MYEF2: variants seen among roughly 807,000 people sequenced by gnomAD.
The protein encoded by MYEF2 is myelin gene expression factor 2.
In MYEF2, 37 loss-of-function variants were observed where a neutral mutation model predicts 75.2. That is an observed-to-expected ratio of 0.49 (90% CI 0.38 to 0.65). MYEF2 has a LOEUF of 0.65. MYEF2 is among the 30% of genes least tolerant of loss of function. The probability of loss-of-function intolerance (pLI) is 0.00; values close to 1 mark genes in which losing one functional copy is unlikely to be tolerated. For synonymous variants in MYEF2, 195 were observed against 241.6 expected (o/e 0.81, Z 1.79); for missense variants, 634 against 771.4 (o/e 0.82, Z 2.11).
At position 48,136,487 on chromosome 15, in the gene MYEF2, G is replaced by T; in HGVS notation, c.*6421C>A. Reference sequence around the variant, plus strand: ...AAAAAAAAAAAAACAACACAGAAGTGTCCAGCTTTTATCAATAAACATAAT... The same window carrying T: ...AAAAAAAAAAAAACAACACAGAAGTTTCCAGCTTTTATCAATAAACATAAT... On this transcript the variant is annotated 3_prime_UTR_variant, in exon 17 of 17. Coordinates refer to ENST00000324324, the MANE Select transcript of MYEF2 (RefSeq NM_016132.5). 4 of 439,136 alleles carry T rather than the reference G, an allele frequency of 9.1e-6. No homozygotes were observed. The highest frequency in any genetic ancestry group is 4.2e-5 in the Admixed American group (1 of 23,676). The allele number at this position is 439,136 out of a possible 1,614,324, so 27.2% of individuals were successfully genotyped here.
intron 7 of MYEF2, 51 bp from the exon 8 acceptor site, chr15:48,158,275 A>T: frequency 6.5e-7 from 1 of 1,534,854 alleles, no homozygotes; most frequent in East Asian, 2.3e-5. Context: ...AAATTATAAC[A>T]GAACACAAAC....
chr15:48,136,148 C>G lies in MYEF2; in HGVS notation c.*6760G>C, dbSNP rs2038892599. The G allele has an allele frequency of 6.6e-6, 1 of 152,108 alleles. No homozygotes were observed. Among genetic ancestry groups the G allele is most frequent in the Admixed American group, 6.6e-5 (1 of 15,256 alleles). The allele number at this position is 152,108 out of a possible 1,614,324, so 9.4% of individuals were successfully genotyped here. ...AAGCCAAATTCAGCTACATTCAAAT[C>G]ATTAAAAATGCTCTGTATGACAAAC... On this transcript the variant is annotated 3_prime_UTR_variant, in exon 17 of 17. Coordinates refer to ENST00000324324, the MANE Select transcript of MYEF2 (RefSeq NM_016132.5).
chr15:48,143,180 CATTA>C (rs1259966984), intron 16 of MYEF2, 109 bp from the exon 17 acceptor site: 9 of 590,848 alleles, frequency 1.5e-5, no homozygotes, highest in East Asian at 1.1e-4. Context: ...TGATTAAAAA[CATTA>C]ATTATTTAAA....
chr15:48,177,645 G>A (rs1441358761), intron 1 of MYEF2, among the ~76,000 whole-genome samples: 1 of 152,060 alleles, frequency 6.6e-6, no homozygotes, highest in Non-Finnish European at 1.5e-5. Context: ...TTTTAAATAT[G>A]TTCTCGGTGG....
At chr15:48,154,832 T>C (rs2039630251) in intron 9 of MYEF2, among the ~76,000 whole-genome samples, 1 of 151,946 alleles carries the variant, frequency 6.6e-6, no homozygotes, top group African/African-American at 2.4e-5. Context: ...TTGTCTAATT[T>C]GCAGGACAGA....
At position 48,177,118 on chromosome 15, in the gene MYEF2, A is replaced by C. The variant is rs115366431; in HGVS notation, c.161+959T>G. Among the ~76,000 whole-genome samples, 376 of 152,326 alleles carry C rather than the reference A, an allele frequency of 2.5e-3. 2 individuals are homozygous for C. Among genetic ancestry groups the C allele is most frequent in the African/African-American group, 8.7e-3 (360 of 41,578 alleles). ...CTGCTCTGAGGCATAACAGAGAAGG[A>C]AAAGGATGTTTTCACTTAATTATTA... is the stretch of plus-strand genomic sequence containing the variant. On this transcript the variant is annotated intron_variant, in intron 1 of 16. Transcript: ENST00000324324.
chr15:48,134,677 C>A lies in MYEF2; in HGVS notation c.*8231G>T. 2 of 725,388 alleles carry A rather than the reference C, an allele frequency of 2.8e-6. No homozygotes were observed. Among genetic ancestry groups the A allele is most frequent in the Non-Finnish European group, 4.5e-6 (2 of 442,196 alleles). 44.9% of individuals were successfully genotyped at this position (725,388 alleles called of 1,614,324 possible). ...AATCAGTAGAAAAACAACATGTATT[C>A]AATTTAATGTTAATCCACAAATAGC... On this transcript the variant is annotated 3_prime_UTR_variant, in exon 17 of 17. Transcript: ENST00000324324.
intron 1 of MYEF2, among the ~76,000 whole-genome samples, chr15:48,175,040 T>C (rs1441471762): frequency 6.6e-6 from 1 of 152,170 alleles, no homozygotes; most frequent in Non-Finnish European, 1.5e-5. Context: ...ACGACTTAAG[T>C]GTCCATTGAC....
At chr15:48,176,428 C>A (rs2040520918) in intron 1 of MYEF2, among the ~76,000 whole-genome samples, 2 of 152,076 alleles carry the variant, frequency 1.3e-5, no homozygotes, top group African/African-American at 4.8e-5. Context: ...AGTAATATTT[C>A]TTCATTTCTT....
chr15:48,158,902 C>A lies in MYEF2; in HGVS notation c.738G>T (p.Trp246Cys). ...TGCTGAACACTTCCTTTAGCTTCTTCCAACCAACTTTGAAGTCAAGCTTAA... is the reference window on the plus strand; with the variant it reads ...TGCTGAACACTTCCTTTAGCTTCTTACAACCAACTTTGAAGTCAAGCTTAA... ...FVANLDFKVG[W>C]KKLKEVFSIA... Residue 246 changes from tryptophan (W) to cysteine (C), a missense_variant, in exon 7 of 17, where the codon TGG becomes TGT. Transcript: ENST00000324324. The A allele has an allele frequency of 1.2e-6, 2 of 1,613,414 alleles. No individual in the cohort carries two copies. Among genetic ancestry groups the A allele is most frequent in the Non-Finnish European group, 1.7e-6 (2 of 1,179,676 alleles).
intron 12 of MYEF2, 90 bp downstream of exon 12, chr15:48,151,784 T>C: frequency 6.8e-7 from 1 of 1,463,630 alleles, no homozygotes; most frequent in Non-Finnish European, 9.6e-7. Context: ...GAAGACATTT[T>C]TAGCACACAT....
At chr15:48,171,577 T>C (rs1014670119) in intron 1 of MYEF2, among the ~76,000 whole-genome samples, 2 of 152,026 alleles carry the variant, frequency 1.3e-5, no homozygotes, top group Admixed American at 1.3e-4. Flanking sequence ...AGAATTAAAA[T>C]TTATCTTAAG....
rs555994428 is a variant in MYEF2, at chr15:48,134,907, C to T, written c.*8001G>A. On this transcript the variant is annotated 3_prime_UTR_variant, in exon 17 of 17. Coordinates refer to ENST00000324324, the MANE Select transcript of MYEF2 (RefSeq NM_016132.5). ...AGGTCTCAACACTATCATGTTGGCC[C>T]CTATTCAGAGACTGTGCAGCGTACA... The T allele has an allele frequency of 7.3e-5, 118 of 1,611,702 alleles. 2 individuals carry two copies. In the South Asian group the frequency reaches 1.2e-3, roughly 16 times the overall value.
chr15:48,136,985 T>C lies in MYEF2; in HGVS notation c.*5923A>G. 9 of 1,582,810 alleles carry C rather than the reference T, an allele frequency of 5.7e-6. No individual in the cohort carries two copies. The highest frequency in any genetic ancestry group is 7.7e-6 in the Non-Finnish European group (9 of 1,162,736). Reference sequence around the variant, plus strand: ...GAAGGTAATCACTAAATCTTGCCCATTATTAAGTCTATTCGCAAAGGAAAA... The same window carrying C: ...GAAGGTAATCACTAAATCTTGCCCACTATTAAGTCTATTCGCAAAGGAAAA... On this transcript the variant is annotated 3_prime_UTR_variant, in exon 17 of 17. Transcript: ENST00000324324.
chr15:48,172,086 G>A (rs12708412), intron 1 of MYEF2, among the ~76,000 whole-genome samples: 148,177 of 152,264 alleles, frequency 0.97, 72,228 homozygotes, highest in Middle Eastern at 1. Context: ...GTTCAGAGCA[G>A]TAAATGTCTA....
In MYEF2 at chr15:48,148,231, T is replaced by C. The variant is rs533442455; in HGVS notation, c.1639+801A>G. On this transcript the variant is annotated intron_variant, in intron 16 of 16. Transcript: ENST00000324324. ...ATTCCATGCAATAGCAGAAAAATAT[T>C]AATACTAGCAAAAAATATTTTACTT... Among the ~76,000 whole-genome samples the C allele has an allele frequency of 3.3e-5, 5 of 152,092 alleles. No homozygotes were observed. The East Asian group carries it at 7.7e-4, about 23-fold the overall frequency.
At chr15:48,169,479 C>G (rs1420110484) in intron 1 of MYEF2, among the ~76,000 whole-genome samples, 2 of 152,018 alleles carry the variant, frequency 1.3e-5, no homozygotes, top group African/African-American at 4.8e-5. Context: ...ACATTTTAAC[C>G]TATAAACTAG....
chr15:48,140,818 T>A lies in MYEF2; in HGVS notation c.*2090A>T. The A allele has an allele frequency of 3.1e-6, 1 of 318,030 alleles. No homozygotes were observed. Among genetic ancestry groups the A allele is most frequent in the Non-Finnish European group, 6.0e-6 (1 of 166,340 alleles). 19.7% of individuals were successfully genotyped at this position (318,030 alleles called of 1,614,324 possible). On this transcript the variant is annotated 3_prime_UTR_variant, in exon 17 of 17. Transcript: ENST00000324324. Reference sequence around the variant, plus strand: ...CAGCACAGCCCTGATGAGATAATGGTGGACATAAACATCTTTTGTAAGAAT... The same window carrying A: ...CAGCACAGCCCTGATGAGATAATGGAGGACATAAACATCTTTTGTAAGAAT...
At chr15:48,153,732 A>G (rs763368728) in intron 10 of MYEF2, 60 bp downstream of exon 10, 6 of 1,336,764 alleles carry the variant, frequency 4.5e-6, no homozygotes, top group African/African-American at 4.4e-5. Context: ...ACATCAATGG[A>G]GGCTTTATTA....
Sources: allele counts gnomAD v4.1 joint callset (sites outside exome capture counted in the v4.1 genomes callset), GRCh38; gene constraint gnomAD v4.1.1; transcripts MANE v1.5; gene names NCBI Gene and HGNC (gene_info 2026-07-23, HGNC 2026-07-21).